R3HCC1: variants seen among roughly 807,000 people sequenced by gnomAD.
R3HCC1 encodes R3H and coiled-coil domain-containing protein 1.
Under a neutral mutation model 40.0 loss-of-function variants are expected in R3HCC1, and 32 were observed. The observed-to-expected ratio is 0.80, with a 90% CI of 0.60 to 1.07. R3HCC1 has a LOEUF of 1.07. Among genes scored for constraint, R3HCC1 ranks in the 50% least tolerant of loss-of-function variants. R3HCC1 has a pLI of 0.00. For missense variants in R3HCC1, 586 were observed against 563.3 expected, an observed-to-expected ratio of 1.04 and a Z score of -0.41; for synonymous variants, 237 against 232.8, an observed-to-expected ratio of 1.02 and a Z score of -0.17.
intron 5 of R3HCC1, among the ~76,000 whole-genome samples, chr8:23,291,836 A>T (rs565622498): frequency 3.4e-4 from 51 of 152,202 alleles, no homozygotes; most frequent in Admixed American, 7.2e-4. Context: ...GGGACATGGC[A>T]GCCTCCTCTT....
chr8:23,290,627 G>C (rs1802847364), intron 4 of R3HCC1, among the ~76,000 whole-genome samples, 158 bp downstream of exon 4: 1 of 152,118 alleles, frequency 6.6e-6, no homozygotes, highest in African/African-American at 2.4e-5. Flanking sequence ...GAACTCAGGA[G>C]ATGAGGTGTG....
intron 1 of R3HCC1, 73 bp downstream of exon 1, chr8:23,288,230 G>T: frequency 8.4e-7 from 1 of 1,192,020 alleles, no homozygotes; most frequent in South Asian, 1.6e-5. Flanking sequence ...CAGCTGGGCT[G>T]CGCGGAGCAG....
rs1463743598 is a variant in R3HCC1 at position 23,288,124 on chromosome 8, G to A, written c.-52G>A. 2 of 1,258,022 alleles carry A rather than the reference G, an allele frequency of 1.6e-6. No homozygotes were observed. 77.9% of individuals were successfully genotyped at this position (1,258,022 alleles called of 1,614,324 possible). ...CTCGGGCGCGCTGGCCCCTGGGGACGCCGAGGGCGGCTGCGACGCGCCGAG... is the reference window on the plus strand; with the variant it reads ...CTCGGGCGCGCTGGCCCCTGGGGACACCGAGGGCGGCTGCGACGCGCCGAG... On this transcript the variant is annotated 5_prime_UTR_variant, in exon 1 of 8. Coordinates refer to ENST00000265806, the MANE Select transcript of R3HCC1 (RefSeq NM_001136108.3).
Position 23,288,996 on chromosome 8 carries a change from T to C in R3HCC1, c.111-20T>C. The C allele has an allele frequency of 6.5e-7, 1 of 1,536,240 alleles. No homozygotes were observed. Among genetic ancestry groups the C allele is most frequent in the Non-Finnish European group, 8.7e-7 (1 of 1,146,850 alleles). On this transcript the variant is annotated intron_variant, in intron 2 of 7. Coordinates refer to ENST00000265806, the MANE Select transcript of R3HCC1 (RefSeq NM_001136108.3). ...CAGGCCCTGGACACCTGCTCAGCAC[T>C]TCTTCCCCTCCCTCCCCAGGGTTCT... is the stretch of plus-strand genomic sequence containing the variant.
Position 23,294,870 on chromosome 8 carries a change from G to A in R3HCC1, c.1192+6G>A. ...CAAAGCCTTGCAGAGGCCAAGTAAGGAAAGCGCATGTCCCTGAATAGGGAG... is the reference window on the plus strand; with the variant it reads ...CAAAGCCTTGCAGAGGCCAAGTAAGAAAAGCGCATGTCCCTGAATAGGGAG... On this transcript the variant is annotated splice_donor_region_variant and intron_variant, in intron 7 of 7. Transcript: ENST00000265806. The A allele has an allele frequency of 6.5e-7, 1 of 1,543,516 alleles. No individual in the cohort carries two copies. Among genetic ancestry groups the A allele is most frequent in the Non-Finnish European group, 8.8e-7 (1 of 1,139,874 alleles).
At chr8:23,288,816 T>C (rs763187202) in intron 2 of R3HCC1, among the ~76,000 whole-genome samples, 183 bp downstream of exon 2, 1 of 152,132 alleles carries the variant, frequency 6.6e-6, no homozygotes, top group Non-Finnish European at 1.5e-5. Context: ...CCCAGACTGA[T>C]GGGGCCCGGC....
At position 23,288,606 on chromosome 8, in the gene R3HCC1, G is replaced by A. The variant is rs746052224; in HGVS notation, c.83G>A (p.Arg28His). ...CACCGGATCCAGGAGGAACTGGACC[G>A]CTTTCTGCTGCAGAAGCAGCTGTCA... The change falls in exon 2 of 8, where the codon CGC becomes CAC. Residue 28 changes from arginine (R) to histidine (H), a missense_variant. Transcript: ENST00000265806. The A allele has an allele frequency of 6.7e-5, 103 of 1,535,922 alleles. No individual in the cohort carries two copies. Among genetic ancestry groups the A allele is most frequent in the Admixed American group, 1.4e-4 (7 of 50,980 alleles).
At chr8:23,291,320 C>A in intron 4 of R3HCC1, 41 bp from the exon 5 acceptor site, 1 of 1,533,574 alleles carries the variant, frequency 6.5e-7, no homozygotes, top group Non-Finnish European at 8.8e-7. Context: ...GGGAGCTCTG[C>A]GTGTCCAAGC....
chr8:23,290,486 G>A lies in R3HCC1; in HGVS notation c.852+17G>A. On this transcript the variant is annotated intron_variant, in intron 4 of 7. Coordinates refer to ENST00000265806, the MANE Select transcript of R3HCC1 (RefSeq NM_001136108.3). ...CTGCAGGAGGTGATGAGGCTCTTGAGCCCGAAAAGGGAGGGCGGAGGTGAG... is the reference window on the plus strand; with the variant it reads ...CTGCAGGAGGTGATGAGGCTCTTGAACCCGAAAAGGGAGGGCGGAGGTGAG... 1 of 1,539,068 alleles carries A rather than the reference G, an allele frequency of 6.5e-7. No homozygotes were observed. The highest frequency in any genetic ancestry group is 8.8e-7 in the Non-Finnish European group (1 of 1,140,770).
chr8:23,296,058 G>C lies in R3HCC1; in HGVS notation c.1284G>C (p.Lys428Asn). The stretch of plus-strand genomic sequence containing the variant: ...GGGCCCTGGGACTCCAACACAAAAA[G>C]AAAGAGCGGCCTGCTGTCCGGGGTC... The change falls in exon 8 of 8, where the codon AAG becomes AAC. Residue 428 changes from lysine (K) to asparagine (N), a missense_variant. Coordinates refer to ENST00000265806, the MANE Select transcript of R3HCC1 (RefSeq NM_001136108.3). 6 of 1,550,686 alleles carry C rather than the reference G, an allele frequency of 3.9e-6. No individual in the cohort carries two copies. The highest frequency in any genetic ancestry group is 5.2e-6 in the Non-Finnish European group (6 of 1,146,924).
chr8:23,294,609 C>G (rs960820351), intron 6 of R3HCC1, among the ~76,000 whole-genome samples, 160 bp from the exon 7 acceptor site: 3 of 152,158 alleles, frequency 2.0e-5, no homozygotes, highest in African/African-American at 7.2e-5. Context: ...ATGAGGCAAG[C>G]AGGCGGCAGT....
intron 6 of R3HCC1, among the ~76,000 whole-genome samples, chr8:23,294,076 G>A (rs1802935287): frequency 6.6e-6 from 1 of 152,210 alleles, no homozygotes; most frequent in Non-Finnish European, 1.5e-5. Flanking sequence ...TGCTGCTGGG[G>A]CCCAGTCCTC....
intron 7 of R3HCC1, chr8:23,295,595 C>T: frequency 2.2e-6 from 1 of 462,156 alleles, no homozygotes; most frequent in African/African-American, 2.0e-5. Context: ...TCCAGGGTTT[C>T]TTGGAACAAT....
At position 23,290,193 on chromosome 8, in the gene R3HCC1, A is replaced by C. The variant is rs192368333; in HGVS notation, c.576A>C (p.Thr192=). Reference sequence around the variant, plus strand: ...TCCCTGTGCTGATGACTCAGGGAACAGAGGACCTAAAGGGCCCAGGACAAA... The same window carrying C: ...TCCCTGTGCTGATGACTCAGGGAACCGAGGACCTAAAGGGCCCAGGACAAA... The change falls in exon 4 of 8, where the codon ACA becomes ACC. Residue 192 remains threonine (T), a synonymous_variant. Coordinates refer to ENST00000265806, the MANE Select transcript of R3HCC1 (RefSeq NM_001136108.3). The C allele has an allele frequency of 4.5e-6, 7 of 1,551,664 alleles. No individual in the cohort carries two copies. The highest frequency in any genetic ancestry group is 1.4e-5 in the African/African-American group (1 of 73,074).
chr8:23,289,193 G>A (rs1437159286), intron 3 of R3HCC1, 40 bp downstream of exon 3: 1 of 1,530,492 alleles, frequency 6.5e-7, no homozygotes, highest in Non-Finnish European at 8.8e-7. Context: ...CAGCGGTGGT[G>A]TGTGGGTGGC....
At chr8:23,295,559 C>T (rs1006224433) in intron 7 of R3HCC1, 104 of 463,034 alleles carry the variant, frequency 2.2e-4, no homozygotes, top group Non-Finnish European at 5.6e-5. Context: ...GCTGTGCTCT[C>T]GTGGGTGGTT....
In R3HCC1 at chr8:23,291,502, G is replaced by A; in HGVS notation, c.994G>A (p.Glu332Lys). 1.3e-6 allele frequency: 2 copies of A among 1,551,412 alleles called. No individual in the cohort carries two copies. Among genetic ancestry groups the A allele is most frequent in the Non-Finnish European group, 8.7e-7 (1 of 1,146,944 alleles). The change falls in exon 5 of 8, where the codon GAG (glutamate) becomes AAG (lysine). Residue 332 changes from glutamate to lysine, a missense_variant. Transcript: ENST00000265806. ...TGACTTTGAACCAGCGCTCAAGACGGAGGACCTGCTGGCAACGTTTTCTGA... is the reference window on the plus strand; with the variant it reads ...TGACTTTGAACCAGCGCTCAAGACGAAGGACCTGCTGGCAACGTTTTCTGA...
At position 23,293,386 on chromosome 8, in the gene R3HCC1, C is replaced by A; in HGVS notation, c.1096+13C>A. ...TGCCTGGCCTCAGGTAAGGCACCCC[C>A]AGTGGGCCCAGCCCTTGCTCGGATC... is the stretch of plus-strand genomic sequence containing the variant. On this transcript the variant is annotated intron_variant, in intron 6 of 7. Coordinates refer to ENST00000265806, the MANE Select transcript of R3HCC1 (RefSeq NM_001136108.3). 2 of 1,546,300 alleles carry A rather than the reference C, an allele frequency of 1.3e-6. No homozygotes were observed. The highest frequency in any genetic ancestry group is 8.8e-7 in the Non-Finnish European group (1 of 1,142,464).
intron 1 of R3HCC1, 140 bp from the exon 2 acceptor site, chr8:23,288,366 G>A (rs543630860): frequency 2.4e-6 from 3 of 1,258,788 alleles, no homozygotes; most frequent in Non-Finnish European, 3.2e-6. Context: ...CTGACTTGCC[G>A]GGGGTCCCTG....
Sources: gnomAD v4.1 joint callset for allele counts (sites outside exome capture counted in the v4.1 genomes callset) on GRCh38, gnomAD v4.1.1 for gene constraint, MANE v1.5 for transcripts, NCBI Gene and HGNC (gene_info 2026-07-23, HGNC 2026-07-21) for gene names.